Variants in RPS6KA3 observed in about 807,000 individuals in gnomAD.
RPS6KA3 encodes ribosomal protein S6 kinase A3, also known as ribosomal protein S6 kinase alpha-3.
RPS6KA3 carries 4 observed loss-of-function variants against 67.2 expected under a neutral mutation model. That is an observed-to-expected ratio of 0.06 (90% confidence interval 0.03 to 0.14). The LOEUF (loss-of-function observed/expected upper bound fraction) is 0.14. Among genes scored for constraint, RPS6KA3 ranks in the 10% least tolerant of loss-of-function variants. The probability of loss-of-function intolerance (pLI) is 1.00; values close to 1 mark genes in which losing one functional copy is unlikely to be tolerated. For synonymous variants in RPS6KA3, 182 were observed against 183.7 expected, an observed-to-expected ratio of 0.99 and a Z score of 0.07; for missense variants, 204 against 559.0, an observed-to-expected ratio of 0.36 and a Z score of 6.40.
chrX:20,262,473 T>C (rs1243461454), intron 1 of RPS6KA3, among the ~76,000 whole-genome samples: 1 of 112,130 alleles, frequency 8.9e-6, no homozygotes, highest in Non-Finnish European at 1.9e-5. Flanking sequence ...TCTGCCTATA[T>C]TTGCTCCTGC....
At chrX:20,245,124 C>G (rs769228691) in intron 1 of RPS6KA3, among the ~76,000 whole-genome samples, 131 of 111,917 alleles carry the variant, frequency 1.2e-3, no homozygotes, top group Non-Finnish European at 2.1e-3. Flanking sequence ...TGAAAGTCTG[C>G]CACTAACTGT....
chrX:20,246,807 G>A (rs773754923), intron 1 of RPS6KA3, among the ~76,000 whole-genome samples: 1 of 111,832 alleles, frequency 8.9e-6, no homozygotes, highest in East Asian at 2.8e-4. Context: ...TAAGTTACAA[G>A]GAAAACGATA....
chrX:20,186,508 C>T (rs2099500709), intron 9 of RPS6KA3, 142 bp from the exon 10 acceptor site: 3 of 449,012 alleles, frequency 6.7e-6, no homozygotes, highest in Admixed American at 3.8e-5. Context: ...TCTATTTCTA[C>T]CATATTCGTT....
chrX:20,266,462 G>A (rs2070388691), intron 1 of RPS6KA3, 102 bp downstream of exon 1: 3 of 674,925 alleles, frequency 4.4e-6, no homozygotes, highest in Non-Finnish European at 6.7e-6. Flanking sequence ...AAAGACGCGA[G>A]CGGGATCAGA....
chrX:20,208,228 C>A (rs1365131335), intron 3 of RPS6KA3, among the ~76,000 whole-genome samples: 2 of 110,588 alleles, frequency 1.8e-5, no homozygotes, highest in African/African-American at 6.6e-5. Context: ...TTGAATGCTG[C>A]CACTGATCTG....
In RPS6KA3 at chrX:20,163,035, T is replaced by C. The variant is rs971097396; in HGVS notation, c.1770A>G (p.Leu590=). Residue 590 remains leucine, a synonymous_variant, in exon 19 of 22, where the codon TTA becomes TTG. Coordinates refer to ENST00000379565, the MANE Select transcript of RPS6KA3 (RefSeq NM_004586.3). ...AAGCAGCATCATAGCCTTGTCTTTTTAAAACCTAGAAAAAGTGCAAAATTA... is the reference window on the plus strand; with the variant it reads ...AAGCAGCATCATAGCCTTGTCTTTTCAAAACCTAGAAAAAGTGCAAAATTA... The part of the protein sequence containing the change: ...YTANFVAPEV[L]KRQGYDAACD... 2.5e-6 allele frequency: 3 copies of C among 1,179,672 alleles called. No individual in the cohort carries two copies. Among genetic ancestry groups the C allele is most frequent in the African/African-American group, 1.8e-5 (1 of 56,506 alleles).
chrX:20,222,934 C>A (rs1017885052), intron 2 of RPS6KA3, among the ~76,000 whole-genome samples: 1 of 111,615 alleles, frequency 9.0e-6, no homozygotes, highest in Non-Finnish European at 1.9e-5. Flanking sequence ...CTCACTAATT[C>A]ATTCAGACAT....
At chrX:20,208,859 T>C (rs1225272015) in intron 3 of RPS6KA3, among the ~76,000 whole-genome samples, 1 of 111,729 alleles carries the variant, frequency 9.0e-6, no homozygotes, top group Non-Finnish European at 1.9e-5. Flanking sequence ...ATTGTAGCGG[T>C]AGCCCCCAAC....
At chrX:20,255,640 T>A (rs767639171) in intron 1 of RPS6KA3, among the ~76,000 whole-genome samples, 2 of 105,472 alleles carry the variant, frequency 1.9e-5, no homozygotes, top group Admixed American at 2.0e-4. Flanking sequence ...TACAAAAAAT[T>A]AGCCAGGCGT....
intron 7 of RPS6KA3, among the ~76,000 whole-genome samples, chrX:20,189,904 GTTTCT>G (rs2068080828): frequency 9.0e-6 from 1 of 111,531 alleles, no homozygotes; most frequent in African/African-American, 3.3e-5. Flanking sequence ...TGTTTTTCAA[GTTTCT>G]TTTATCATAA....
chrX:20,165,871 T>C (rs2067423558), intron 17 of RPS6KA3, among the ~76,000 whole-genome samples: 1 of 111,303 alleles, frequency 9.0e-6, no homozygotes, highest in South Asian at 3.8e-4. Context: ...ATCCGTGGCG[T>C]ATATGTTTCA....
chrX:20,267,070 A>G, upstream of RPS6KA3: 1 of 752,853 alleles, frequency 1.3e-6, no homozygotes, highest in Non-Finnish European at 1.6e-6. Context: ...GGCCGCCGCC[A>G]CCACCGCCGC....
intron 20 of RPS6KA3, among the ~76,000 whole-genome samples, chrX:20,158,387 A>AAAAGAGAG (rs1406774782): frequency 4.1e-5 from 4 of 97,418 alleles, no homozygotes; most frequent in African/African-American, 1.7e-4. Flanking sequence ...AAAAAAAAAA[A>AAAAGAGAG]AGAGAGAGAG....
In RPS6KA3 at chrX:20,266,895, G is replaced by C. The variant is rs998908697; in HGVS notation, c.-263C>G. The C allele has an allele frequency of 9.0e-6, 5 of 558,639 alleles. No homozygotes were observed. The African/African-American group carries it at 1.3e-4, about 14-fold the overall frequency. 46.0% of individuals were successfully genotyped at this position (558,639 alleles called of 1,213,427 possible). ...GCCTCGCGCCTCCGCTGGGCACCGG[G>C]TCTCGCCCCTTTCTTCCTCTCCTCC... On this transcript the variant is annotated 5_prime_UTR_variant, in exon 1 of 22. Coordinates refer to ENST00000379565, the MANE Select transcript of RPS6KA3 (RefSeq NM_004586.3).
intron 10 of RPS6KA3, among the ~76,000 whole-genome samples, chrX:20,184,572 A>T (rs764572059): frequency 5.3e-4 from 56 of 106,625 alleles, no homozygotes; most frequent in African/African-American, 1.8e-3. Context: ...CATCTGGCTA[A>T]TTTTTTTATC....
At chrX:20,197,393 T>C (rs762608159) in intron 4 of RPS6KA3, among the ~76,000 whole-genome samples, 1 of 112,404 alleles carries the variant, frequency 8.9e-6, no homozygotes, top group South Asian at 3.7e-4. Flanking sequence ...TATATCCCTC[T>C]TGTCTTATTT....
intron 2 of RPS6KA3, among the ~76,000 whole-genome samples, chrX:20,213,573 T>C (rs2068771478): frequency 9.0e-6 from 1 of 111,598 alleles, no homozygotes; most frequent in African/African-American, 3.3e-5. Context: ...GTAATTTTAT[T>C]AATATTAAAG....
chrX:20,208,173 C>A lies in RPS6KA3; in HGVS notation c.243+1115G>T, dbSNP rs773056483. ...CTCATAAGGAGTGCACAACCTAGATCCCTCCCATGTGCAGTTCACATCAGG... is the reference window on the plus strand; with the variant it reads ...CTCATAAGGAGTGCACAACCTAGATACCTCCCATGTGCAGTTCACATCAGG... On this transcript the variant is annotated intron_variant, in intron 3 of 21. Transcript: ENST00000379565. Among the ~76,000 whole-genome samples, 201 of 110,801 alleles carry A rather than the reference C, an allele frequency of 1.8e-3. 1 individual carries two copies. Among genetic ancestry groups the A allele is most frequent in the Middle Eastern group, 9.3e-3 (2 of 216 alleles).
At chrX:20,236,136 T>C (rs768055755) in intron 1 of RPS6KA3, among the ~76,000 whole-genome samples, 1 of 111,181 alleles carries the variant, frequency 9.0e-6, no homozygotes, top group Admixed American at 9.6e-5. Context: ...TGGGAAAAAC[T>C]CTGGAAGGAT....
Sources: gnomAD v4.1 joint callset for allele counts (sites outside exome capture counted in the v4.1 genomes callset) on GRCh38, gnomAD v4.1.1 for gene constraint, MANE v1.5 for transcripts, NCBI Gene and HGNC (gene_info 2026-07-23, HGNC 2026-07-21) for gene names.